MFHAS1: variants seen among roughly 807,000 people sequenced by gnomAD.
MFHAS1 encodes malignant fibrous histiocytoma-amplified sequence 1.
MFHAS1 carries 50 observed loss-of-function variants against 70.4 expected under a neutral mutation model. The ratio of observed to expected loss-of-function variants is 0.71; its 90% confidence interval spans 0.57 to 0.90. The LOEUF is 0.90. MFHAS1 is among the 40% of genes least tolerant of loss of function. The pLI, the probability that MFHAS1 is intolerant of heterozygous loss-of-function variation, is 0.00. For missense variants in MFHAS1, 1,795 were observed against 1,347.6 expected (o/e 1.33, Z -5.20); for synonymous variants, 952 against 620.0 (o/e 1.54, Z -7.96).
At chr8:8,858,647 T>C (rs1268681538) in intron 1 of MFHAS1, among the ~76,000 whole-genome samples, 1 of 152,072 alleles carries the variant, frequency 6.6e-6, no homozygotes, top group East Asian at 1.9e-4. Flanking sequence ...GGTATATATA[T>C]GGGGGGTTGG....
chr8:8,818,466 G>A (rs953127740), intron 1 of MFHAS1, among the ~76,000 whole-genome samples: 2 of 152,180 alleles, frequency 1.3e-5, no homozygotes, highest in African/African-American at 2.4e-5. Flanking sequence ...AAAAGCTAGA[G>A]TACTTTCATG....
chr8:8,801,252 C>A (rs867515757), intron 1 of MFHAS1, among the ~76,000 whole-genome samples: 1 of 152,048 alleles, frequency 6.6e-6, no homozygotes. Context: ...GTACAGCAGA[C>A]TATTAAGCCT....
At chr8:8,795,482 GATAAA>G (rs1292468883) in intron 2 of MFHAS1, among the ~76,000 whole-genome samples, 1 of 152,218 alleles carries the variant, frequency 6.6e-6, no homozygotes, top group Non-Finnish European at 1.5e-5. Flanking sequence ...TAGGGTCAGT[GATAAA>G]TTAAACTATG....
At chr8:8,845,768 A>G (rs1007679541) in intron 1 of MFHAS1, among the ~76,000 whole-genome samples, 5 of 152,206 alleles carry the variant, frequency 3.3e-5, no homozygotes, top group Non-Finnish European at 7.3e-5. Context: ...ACCACAGCAA[A>G]AAACTAAATG....
intron 1 of MFHAS1, among the ~76,000 whole-genome samples, chr8:8,848,136 C>G (rs1416221845): frequency 6.6e-6 from 1 of 152,226 alleles, no homozygotes; most frequent in African/African-American, 2.4e-5. Context: ...GCTGCACTGG[C>G]TAGTCCCTTT....
intron 1 of MFHAS1, among the ~76,000 whole-genome samples, chr8:8,870,290 CAAAAAAAAAAAAA>C (rs61229252): frequency 7.0e-4 from 79 of 113,088 alleles, no homozygotes; most frequent in Admixed American, 1.4e-3. Flanking sequence ...CCTGTCTCTA[CAAAAAAAAAAAAA>C]AAAAAAAAAA....
Position 8,785,737 on chromosome 8 carries a change from CTTT to C in MFHAS1, c.*282_*284del, listed in dbSNP as rs36026181. 3.8e-3 allele frequency: 869 copies of C among 229,060 alleles called. No individual in the cohort carries two copies. The highest frequency in any genetic ancestry group is 0.01 in the East Asian group (124 of 11,870). The allele number at this position is 229,060 out of a possible 1,614,324, so 14.2% of individuals were successfully genotyped here. Reference sequence around the variant, plus strand: ...ACAAAATCCCTGAGAAGCCATTCGACTTTTTTTTTTTTTTTTTCTTTTCTTCAA... The same window carrying C: ...ACAAAATCCCTGAGAAGCCATTCGACTTTTTTTTTTTTTTCTTTTCTTCAA... On this transcript the variant is annotated 3_prime_UTR_variant, in exon 3 of 3. Transcript: ENST00000276282.
intron 1 of MFHAS1, among the ~76,000 whole-genome samples, chr8:8,801,818 T>A (rs935794825): frequency 8.5e-5 from 13 of 152,104 alleles, no homozygotes; most frequent in African/African-American, 2.9e-4. Flanking sequence ...AGGCCAGGTG[T>A]GCAAAGAACT....
At chr8:8,824,956 G>C (rs1234812881) in intron 1 of MFHAS1, among the ~76,000 whole-genome samples, 3 of 152,228 alleles carry the variant, frequency 2.0e-5, no homozygotes, top group Non-Finnish European at 4.4e-5. Context: ...GCCACGTTTA[G>C]CATTTGCAGG....
At chr8:8,827,785 C>T (rs991604355) in intron 1 of MFHAS1, among the ~76,000 whole-genome samples, 1 of 152,012 alleles carries the variant, frequency 6.6e-6, no homozygotes, top group East Asian at 1.9e-4. Flanking sequence ...TTGTGACACG[C>T]TTTGGGGGGA....
chr8:8,838,811 C>A (rs1262261450), intron 1 of MFHAS1, among the ~76,000 whole-genome samples: 91 of 136,160 alleles, frequency 6.7e-4, no homozygotes, highest in Admixed American at 7.4e-4. Flanking sequence ...GACCCTGCCT[C>A]AAAAAAAAAA....
intron 1 of MFHAS1, among the ~76,000 whole-genome samples, chr8:8,847,856 G>T (rs1354593372): frequency 6.6e-6 from 1 of 152,120 alleles, no homozygotes; most frequent in Non-Finnish European, 1.5e-5. Flanking sequence ...TCAATATCTG[G>T]TATAGCCCAT....
intron 1 of MFHAS1, among the ~76,000 whole-genome samples, chr8:8,826,590 G>A (rs542623393): frequency 3.9e-5 from 6 of 152,192 alleles, no homozygotes; most frequent in South Asian, 4.1e-4. Context: ...AAAATTAGCC[G>A]AGCGTGGTGG....
At chr8:8,833,748 G>A (rs1807495502) in intron 1 of MFHAS1, among the ~76,000 whole-genome samples, 1 of 152,136 alleles carries the variant, frequency 6.6e-6, no homozygotes, top group African/African-American at 2.4e-5. Context: ...CCTTACATGT[G>A]AATGTTCATA....
intron 1 of MFHAS1, among the ~76,000 whole-genome samples, chr8:8,803,846 C>T (rs1015028577): frequency 1.3e-5 from 2 of 152,048 alleles, no homozygotes; most frequent in African/African-American, 2.4e-5. Context: ...GTGGCACATG[C>T]CTGTAATCTC....
chr8:8,880,970 C>T (rs1219413203), intron 1 of MFHAS1, among the ~76,000 whole-genome samples: 6 of 152,102 alleles, frequency 3.9e-5, no homozygotes, highest in African/African-American at 9.7e-5. Context: ...AGGTGTGAGC[C>T]ATCACGCCTG....
intron 1 of MFHAS1, among the ~76,000 whole-genome samples, chr8:8,851,355 A>G (rs1317902547): frequency 6.6e-6 from 1 of 152,216 alleles, no homozygotes; most frequent in Non-Finnish European, 1.5e-5. Flanking sequence ...ACAAGTCAGT[A>G]GGACACTAGG....
At chr8:8,834,123 C>CA (rs35902674) in intron 1 of MFHAS1, among the ~76,000 whole-genome samples, 67,723 of 132,944 alleles carry the variant, frequency 0.51, 15,705 homozygotes, top group East Asian at 0.76. Flanking sequence ...GAGACTCTGT[C>CA]AAAAAAAACA....
intron 1 of MFHAS1, among the ~76,000 whole-genome samples, chr8:8,867,938 T>C (rs1253990623): frequency 6.6e-6 from 1 of 152,190 alleles, no homozygotes; most frequent in Non-Finnish European, 1.5e-5. Flanking sequence ...CCATTCTTCA[T>C]TCTCAACATG....
Sources: allele counts gnomAD v4.1 joint callset (sites outside exome capture counted in the v4.1 genomes callset), GRCh38; gene constraint gnomAD v4.1.1; transcripts MANE v1.5; gene names NCBI Gene and HGNC (gene_info 2026-07-23, HGNC 2026-07-21).